Variants in WDR19 observed in about 807,000 individuals in gnomAD.
WDR19 encodes the protein WD repeat-containing protein 19.
In WDR19, 121 loss-of-function variants were observed where a neutral mutation model predicts 180.0. The ratio of observed to expected loss-of-function variants is 0.67; its 90% confidence interval spans 0.58 to 0.78. The LOEUF (loss-of-function observed/expected upper bound fraction) is 0.78. Ranked by LOEUF, WDR19 falls within the 30% of genes least tolerant of loss-of-function variation. The pLI is 0.00. For synonymous variants in WDR19, 497 were observed against 540.7 expected (o/e 0.92, Z 1.12); for missense variants, 1,450 against 1,640.7 (o/e 0.88, Z 2.01).
At chr4:39,219,988 G>A (rs571641366) in intron 14 of WDR19, among the ~76,000 whole-genome samples, 1 of 152,220 alleles carries the variant, frequency 6.6e-6, no homozygotes, top group East Asian at 1.9e-4. Flanking sequence ...GGAGGCCGAG[G>A]CGGGTGGATT....
chr4:39,213,942 A>G (rs576002914), intron 9 of WDR19, among the ~76,000 whole-genome samples: 1 of 152,316 alleles, frequency 6.6e-6, no homozygotes, highest in South Asian at 2.1e-4. Flanking sequence ...AATGAAAATA[A>G]TGAGGGAAAA....
intron 24 of WDR19, 72 bp downstream of exon 24, chr4:39,245,524 C>A: frequency 1.4e-6 from 2 of 1,476,738 alleles, no homozygotes; most frequent in Non-Finnish European, 1.9e-6. Flanking sequence ...TTGATATTTG[C>A]AACCCTGTAA....
At chr4:39,242,777 C>T (rs1295138580) in intron 21 of WDR19, among the ~76,000 whole-genome samples, 1 of 152,172 alleles carries the variant, frequency 6.6e-6, no homozygotes, top group Non-Finnish European at 1.5e-5. Flanking sequence ...AAGTGATTCT[C>T]GTACCTCTCA....
Position 39,255,847 on chromosome 4 carries a change from G to T in WDR19, c.3002-1G>T. The T allele has an allele frequency of 3.9e-6, 6 of 1,546,250 alleles. No individual in the cohort carries two copies. The highest frequency in any genetic ancestry group is 5.3e-6 in the Non-Finnish European group (6 of 1,142,044). On this transcript the variant is annotated splice_acceptor_variant, in intron 26 of 36. Coordinates refer to ENST00000399820, the MANE Select transcript of WDR19 (RefSeq NM_025132.4). LOFTEE classifies it high-confidence loss of function. Reference sequence around the variant, plus strand: ...TTTTACTCAGTAAACTTCTGTTACAGGTTCTGAAGACACTACTAATGAAGA... The same window carrying T: ...TTTTACTCAGTAAACTTCTGTTACATGTTCTGAAGACACTACTAATGAAGA...
chr4:39,277,155 T>G lies in WDR19; in HGVS notation c.3840+12T>G. 6.3e-7 allele frequency: 1 copy of G among 1,588,414 alleles called. No homozygotes were observed. Among genetic ancestry groups the G allele is most frequent in the African/African-American group, 1.4e-5 (1 of 73,796 alleles). ...ATTGCATTGCAACAGTGAGTTCCTT[T>G]ATAGTAATTTCCCTTTCTTTGCATA... On this transcript the variant is annotated intron_variant, in intron 34 of 36. Coordinates refer to ENST00000399820, the MANE Select transcript of WDR19 (RefSeq NM_025132.4).
chr4:39,264,386 A>G (rs552356875), intron 28 of WDR19, among the ~76,000 whole-genome samples: 19 of 152,334 alleles, frequency 1.2e-4, no homozygotes, highest in African/African-American at 4.6e-4. Flanking sequence ...CAGAGGTGAC[A>G]CAGATTGGTG....
intron 19 of WDR19, 58 bp downstream of exon 19, chr4:39,232,330 GA>G (rs908166448): frequency 8.2e-4 from 1,080 of 1,312,180 alleles, no homozygotes; most frequent in African/African-American, 1.3e-3. Context: ...GGAAATGGGG[GA>G]AAAAAAAATG....
chr4:39,228,341 C>T lies in WDR19; in HGVS notation c.1761C>T (p.His587=), dbSNP rs1730491834. The change falls in exon 16 of 37, where the codon CAC becomes CAT. Residue 587 remains histidine (H), a synonymous_variant. Coordinates refer to ENST00000399820, the MANE Select transcript of WDR19 (RefSeq NM_025132.4). Reference sequence around the variant, plus strand: ...ATAAGGTGTACACTTATGTCTTTCACAAGGACACTATACAAGGTACTAAAC... The same window carrying T: ...ATAAGGTGTACACTTATGTCTTTCATAAGGACACTATACAAGGTACTAAAC... ...DDDKVYTYVF[H]KDTIQGAKVI... 6.2e-7 allele frequency: 1 copy of T among 1,610,760 alleles called. No individual in the cohort carries two copies. Among genetic ancestry groups the T allele is most frequent in the Non-Finnish European group, 8.5e-7 (1 of 1,177,342 alleles).
At chr4:39,255,986 A>G in intron 27 of WDR19, 26 bp downstream of exon 27, 1 of 1,452,302 alleles carries the variant, frequency 6.9e-7, no homozygotes, top group Non-Finnish European at 9.6e-7. Flanking sequence ...GAAAATATAC[A>G]CTGACTCCGC....
chr4:39,282,590 G>C (rs1207760455), intron 36 of WDR19, among the ~76,000 whole-genome samples: 1 of 152,050 alleles, frequency 6.6e-6, no homozygotes, highest in East Asian at 1.9e-4. Flanking sequence ...TAGAGATGGG[G>C]TTTCACCATG....
rs773362061 is a variant in WDR19 at position 39,203,775 on chromosome 4, T to C, written c.603+53T>C. 2.7e-6 allele frequency: 4 copies of C among 1,502,702 alleles called. No homozygotes were observed. The Admixed American group carries it at 7.5e-5, about 28-fold the overall frequency. 93.1% of individuals were successfully genotyped at this position (1,502,702 alleles called of 1,614,324 possible). On this transcript the variant is annotated intron_variant, in intron 7 of 36. Coordinates refer to ENST00000399820, the MANE Select transcript of WDR19 (RefSeq NM_025132.4). ...AAATCATTTGGGTAATTTTGTGGAA[T>C]GTATAATTTACTTTTCTTGGATGAC... is the stretch of plus-strand genomic sequence containing the variant.
chr4:39,191,046 G>A (rs988068610), intron 4 of WDR19, among the ~76,000 whole-genome samples: 4 of 152,170 alleles, frequency 2.6e-5, no homozygotes, highest in Non-Finnish European at 5.9e-5. Flanking sequence ...ATCATCTCAG[G>A]ATTGTTGTGA....
chr4:39,245,539 G>A, intron 24 of WDR19, 87 bp downstream of exon 24: 2 of 1,374,214 alleles, frequency 1.5e-6, no homozygotes, highest in South Asian at 2.5e-5. Context: ...CTGTAAGAAA[G>A]GCAAACCAGA....
intron 9 of WDR19, among the ~76,000 whole-genome samples, chr4:39,211,983 G>GAGAGAGAT (rs1560497468): frequency 2.8e-5 from 4 of 144,610 alleles, no homozygotes; most frequent in African/African-American, 1.0e-4. Flanking sequence ...GAGAGAGAGA[G>GAGAGAGAT]AGATAGATAG....
chr4:39,237,935 T>G (rs1731538296), intron 20 of WDR19: 1 of 152,196 alleles, frequency 6.6e-6, no homozygotes, highest in African/African-American at 2.4e-5. Context: ...AAAATTGAAG[T>G]TTTGTAACAA....
intron 20 of WDR19, 59 bp from the exon 21 acceptor site, chr4:39,240,218 A>G: frequency 2.3e-6 from 2 of 878,812 alleles, no homozygotes; most frequent in Non-Finnish European, 3.1e-6. Context: ...AAGTACATGT[A>G]AATAAAATTC....
At chr4:39,218,855 C>CT (rs1375757512) in intron 14 of WDR19, 13 of 147,800 alleles carry the variant, frequency 8.8e-5, no homozygotes, top group African/African-American at 3.3e-4. Flanking sequence ...ATTCTATAAG[C>CT]TTTTCCTTGT....
intron 17 of WDR19, 50 bp from the exon 18 acceptor site, chr4:39,231,747 A>G: frequency 6.7e-7 from 1 of 1,484,316 alleles, no homozygotes; most frequent in East Asian, 2.3e-5. Context: ...AAATTGCCTA[A>G]CATGTGGCAA....
intron 8 of WDR19, 83 bp from the exon 9 acceptor site, chr4:39,205,480 A>T: frequency 7.0e-7 from 1 of 1,436,848 alleles, no homozygotes; most frequent in Non-Finnish European, 9.3e-7. Flanking sequence ...TAATTCCTTA[A>T]TTTTAAGGTA....
Sources: allele counts gnomAD v4.1 joint callset (sites outside exome capture counted in the v4.1 genomes callset), GRCh38; gene constraint gnomAD v4.1.1; transcripts MANE v1.5; gene names NCBI Gene and HGNC (gene_info 2026-07-23, HGNC 2026-07-21).